The following SCHIP1 variants were observed in gnomAD, a reference collection of about 807,000 sequenced individuals.
SCHIP1 encodes the protein schwannomin interacting protein 1.
In SCHIP1, 8 loss-of-function variants were observed where a neutral mutation model predicts 29.7. The observed-to-expected ratio is 0.27, with a 90% CI of 0.16 to 0.49. The LOEUF (loss-of-function observed/expected upper bound fraction) is 0.49, where lower values mean the gene tolerates loss of function less well. SCHIP1 is among the 20% of genes least tolerant of loss of function. SCHIP1 has a pLI of 0.99. For synonymous variants in SCHIP1, 76 were observed against 94.9 expected (o/e 0.80, Z 1.16); for missense variants, 193 against 294.6 (o/e 0.66, Z 2.52).
chr3:159,758,998 C>T, the SCHIP1 span, among the ~76,000 whole-genome samples: 1 of 152,182 alleles, frequency 6.6e-6, no homozygotes, highest in Admixed American at 6.5e-5. Flanking sequence ...GCCAGGTGTC[C>T]TGGTTTCAAG....
chr3:159,716,490 T>A, the SCHIP1 span, among the ~76,000 whole-genome samples: 1 of 152,180 alleles, frequency 6.6e-6, no homozygotes, highest in Non-Finnish European at 1.5e-5. Context: ...ATCAGTGTGC[T>A]GTATTCAGGA....
chr3:159,686,827 T>A, the SCHIP1 span, among the ~76,000 whole-genome samples: 1 of 152,062 alleles, frequency 6.6e-6, no homozygotes, highest in East Asian at 1.9e-4. Context: ...TTTGGGTAAA[T>A]GATAACTTAG....
chr3:159,425,724 A>G, the SCHIP1 span, among the ~76,000 whole-genome samples: 2 of 152,218 alleles, frequency 1.3e-5, no homozygotes, highest in Non-Finnish European at 2.9e-5. Flanking sequence ...TCCACCCCAT[A>G]TCAATAGAAT....
the SCHIP1 span, among the ~76,000 whole-genome samples, chr3:159,630,128 C>G: frequency 6.6e-6 from 1 of 152,154 alleles, no homozygotes; most frequent in Non-Finnish European, 1.5e-5. Flanking sequence ...TCAATTTCCC[C>G]TTTACTAAAA....
the SCHIP1 span, among the ~76,000 whole-genome samples, chr3:159,816,574 G>T: frequency 6.6e-6 from 1 of 152,176 alleles, no homozygotes; most frequent in Non-Finnish European, 1.5e-5. Flanking sequence ...CCCGGCCTCT[G>T]CCTCTGATCC....
intron 1 of SCHIP1, among the ~76,000 whole-genome samples, chr3:159,854,405 G>A (rs191172968): frequency 6.0e-4 from 91 of 152,282 alleles, no homozygotes; most frequent in African/African-American, 2.1e-3. Context: ...TGTGGGGACT[G>A]TTTTAAGTAT....
chr3:159,473,818 C>T, the SCHIP1 span, among the ~76,000 whole-genome samples: 1 of 151,682 alleles, frequency 6.6e-6, no homozygotes, highest in Non-Finnish European at 1.5e-5. Context: ...CACAGAATTT[C>T]AAAAATAAAT....
At chr3:159,877,386 A>G (rs1715935440) in intron 2 of SCHIP1, among the ~76,000 whole-genome samples, 1 of 152,186 alleles carries the variant, frequency 6.6e-6, no homozygotes, top group Non-Finnish European at 1.5e-5. Context: ...AATGTAAATA[A>G]CCATGCTTCA....
chr3:159,622,776 G>A, the SCHIP1 span, among the ~76,000 whole-genome samples: 5 of 152,024 alleles, frequency 3.3e-5, no homozygotes, highest in East Asian at 1.9e-4. Flanking sequence ...AAAATTAGCC[G>A]GGCATGATGG....
chr3:159,386,128 C>T, the SCHIP1 span, among the ~76,000 whole-genome samples: 1 of 152,086 alleles, frequency 6.6e-6, no homozygotes, highest in Non-Finnish European at 1.5e-5. Flanking sequence ...CAAGTCTTGG[C>T]TATTGTGAGC....
At chr3:159,671,826 A>C in the SCHIP1 span, among the ~76,000 whole-genome samples, 1 of 152,222 alleles carries the variant, frequency 6.6e-6, no homozygotes, top group Non-Finnish European at 1.5e-5. Context: ...TAGGGGAGAC[A>C]GTATTAAGGA....
chr3:159,522,745 T>A, the SCHIP1 span, among the ~76,000 whole-genome samples: 1 of 152,214 alleles, frequency 6.6e-6, no homozygotes, highest in Non-Finnish European at 1.5e-5. Flanking sequence ...GGCGCAAGCC[T>A]GTAGTCCCAG....
the SCHIP1 span, among the ~76,000 whole-genome samples, chr3:159,281,488 A>C: frequency 6.6e-6 from 1 of 152,212 alleles, no homozygotes; most frequent in South Asian, 2.1e-4. Context: ...AAGAGCTAAA[A>C]AGTATAGTTT....
chr3:159,770,382 CCTGAGTAG>C, the SCHIP1 span, among the ~76,000 whole-genome samples: 2 of 152,162 alleles, frequency 1.3e-5, no homozygotes, highest in African/African-American at 4.8e-5. Flanking sequence ...GCCTCAGCCT[CCTGAGTAG>C]CTGGGATTAC....
chr3:159,687,160 T>C, the SCHIP1 span, among the ~76,000 whole-genome samples: 2 of 152,084 alleles, frequency 1.3e-5, no homozygotes, highest in African/African-American at 4.8e-5. Context: ...AGGTCATAAA[T>C]CCCCATCTAG....
chr3:159,296,594 C>T, the SCHIP1 span, among the ~76,000 whole-genome samples: 2 of 151,874 alleles, frequency 1.3e-5, no homozygotes, highest in Non-Finnish European at 2.9e-5. Flanking sequence ...GCCAACATGG[C>T]GAAACCCCGT....
At chr3:159,375,533 G>C in the SCHIP1 span, among the ~76,000 whole-genome samples, 1 of 152,130 alleles carries the variant, frequency 6.6e-6, no homozygotes, top group African/African-American at 2.4e-5. Context: ...TCAGGAGATG[G>C]AGACCATCCT....
At chr3:159,746,506 G>C in the SCHIP1 span, among the ~76,000 whole-genome samples, 1 of 151,966 alleles carries the variant, frequency 6.6e-6, no homozygotes, top group African/African-American at 2.4e-5. Flanking sequence ...CTGACTGTCT[G>C]GCACTCTGGC....
At chr3:159,285,007 C>A in the SCHIP1 span, among the ~76,000 whole-genome samples, 2 of 152,028 alleles carry the variant, frequency 1.3e-5, no homozygotes, top group Admixed American at 1.3e-4. Context: ...TATAACTCAA[C>A]TATTATAGAA....
Sources: allele counts gnomAD v4.1 joint callset (sites outside exome capture counted in the v4.1 genomes callset), GRCh38; gene constraint gnomAD v4.1.1; transcripts MANE v1.5; gene names NCBI Gene and HGNC (gene_info 2026-07-23, HGNC 2026-07-21).